The following EFCAB5 variants were observed in gnomAD, a reference collection of about 807,000 sequenced individuals.
EFCAB5 encodes EF-hand calcium-binding domain-containing protein 5.
Under a neutral mutation model 167.9 loss-of-function variants are expected in EFCAB5, and 131 were observed. The ratio of observed to expected loss-of-function variants is 0.78; its 90% confidence interval spans 0.68 to 0.90. The LOEUF (loss-of-function observed/expected upper bound fraction) is 0.90. Among genes scored for constraint, EFCAB5 ranks in the 40% least tolerant of loss-of-function variants. EFCAB5 has a pLI of 0.00. For missense variants in EFCAB5, 1,663 were observed against 1,745.2 expected, an observed-to-expected ratio of 0.95 and a Z score of 0.84; for synonymous variants, 574 against 602.8, an observed-to-expected ratio of 0.95 and a Z score of 0.70.
At chr17:29,958,976 C>G (rs983761034) in intron 3 of EFCAB5, among the ~76,000 whole-genome samples, 6 of 152,128 alleles carry the variant, frequency 3.9e-5, no homozygotes, top group African/African-American at 1.2e-4. Context: ...TCCCTTACAT[C>G]TCCCCAACCC....
At chr17:30,022,169 A>T (rs923046477) in intron 7 of EFCAB5, among the ~76,000 whole-genome samples, 1 of 152,152 alleles carries the variant, frequency 6.6e-6, no homozygotes, top group Non-Finnish European at 1.5e-5. Flanking sequence ...ATAGTAAATG[A>T]AGACCCAAAG....
At chr17:29,948,244 G>T (rs1038694093) in intron 3 of EFCAB5, among the ~76,000 whole-genome samples, 1 of 152,160 alleles carries the variant, frequency 6.6e-6, no homozygotes, top group African/African-American at 2.4e-5. Context: ...CTACAAAACT[G>T]TACATATGTA....
chr17:29,963,506 A>T (rs1421946506), intron 3 of EFCAB5, among the ~76,000 whole-genome samples: 2 of 152,172 alleles, frequency 1.3e-5, no homozygotes, highest in Non-Finnish European at 2.9e-5. Flanking sequence ...ATTGGCCTAT[A>T]ATTTTACTGT....
intron 11 of EFCAB5, 23 bp from the exon 12 acceptor site, chr17:30,056,041 T>C: frequency 6.2e-7 from 1 of 1,612,912 alleles, no homozygotes; most frequent in Non-Finnish European, 8.5e-7. Flanking sequence ...TGATTGGCTA[T>C]GTTATGGAAT....
chr17:29,954,634 G>A (rs767869897), intron 3 of EFCAB5, among the ~76,000 whole-genome samples: 10 of 152,232 alleles, frequency 6.6e-5, no homozygotes, highest in Non-Finnish European at 1.3e-4. Context: ...GGGCAGTGTG[G>A]CAGGGAAATG....
chr17:30,003,946 G>T (rs1411716816), intron 7 of EFCAB5, among the ~76,000 whole-genome samples: 1 of 152,188 alleles, frequency 6.6e-6, no homozygotes, highest in Non-Finnish European at 1.5e-5. Context: ...CCAAGTTCTT[G>T]TCTCACAACT....
In EFCAB5 at chr17:30,090,432, T is replaced by A. The variant is rs750335211; in HGVS notation, c.3695T>A (p.Phe1232Tyr). ...GGTTTTGATTTCAGAGATTTCCTCT[T>A]TAAATGTACTGACAGTTCAGAAGTT... Reference protein sequence around the residue: ...RKSCIFRDFLFKCTDSSEVVL... With the variant: ...RKSCIFRDFLYKCTDSSEVVL... Residue 1232 changes from phenylalanine (F) to tyrosine (Y), a missense_variant, in exon 20 of 23, where the codon TTT becomes TAT. Coordinates refer to ENST00000394835, the MANE Select transcript of EFCAB5 (RefSeq NM_198529.4). 25 of 1,612,188 alleles carry A rather than the reference T, an allele frequency of 1.6e-5. No homozygotes were observed. Among genetic ancestry groups the A allele is most frequent in the Non-Finnish European group, 2.1e-5 (25 of 1,179,324 alleles).
chr17:30,096,342 A>C (rs1173087762), intron 22 of EFCAB5, among the ~76,000 whole-genome samples: 1 of 152,168 alleles, frequency 6.6e-6, no homozygotes, highest in Non-Finnish European at 1.5e-5. Context: ...TATAGATAAC[A>C]TTACTGCTAC....
intron 9 of EFCAB5, 97 bp from the exon 10 acceptor site, chr17:30,053,157 AT>A: frequency 1.4e-6 from 2 of 1,391,504 alleles, no homozygotes; most frequent in Non-Finnish European, 1.9e-6. Flanking sequence ...CTATATTACA[AT>A]TTCTGTGCTC....
intron 7 of EFCAB5, among the ~76,000 whole-genome samples, chr17:30,014,537 C>A (rs1459801680): frequency 6.6e-6 from 1 of 152,084 alleles, no homozygotes; most frequent in African/African-American, 2.4e-5. Flanking sequence ...TTGAATTGAA[C>A]CCTTTACCAT....
intron 14 of EFCAB5, among the ~76,000 whole-genome samples, chr17:30,060,237 T>TAA (rs11376430): frequency 6.6e-6 from 1 of 151,602 alleles, no homozygotes; most frequent in Non-Finnish European, 1.5e-5. Flanking sequence ...AAAAAAAATT[T>TAA]AAAAAAAAGG....
chr17:30,038,978 A>ACCCAAACTCTCAGCAAT (rs1381047577), intron 8 of EFCAB5, among the ~76,000 whole-genome samples: 7 of 152,098 alleles, frequency 4.6e-5, no homozygotes, highest in African/African-American at 7.2e-5. Context: ...TGACGAATAA[A>ACCCAAACTCTCAGCAAT]CCCAAACTCT....
chr17:30,038,863 G>T (rs2069693271), intron 8 of EFCAB5, among the ~76,000 whole-genome samples: 1 of 152,072 alleles, frequency 6.6e-6, no homozygotes, highest in Non-Finnish European at 1.5e-5. Context: ...GCCCATATGG[G>T]GATACATTCT....
chr17:29,996,140 C>A (rs1418606299), intron 5 of EFCAB5, among the ~76,000 whole-genome samples, 172 bp from the exon 6 acceptor site: 1 of 151,964 alleles, frequency 6.6e-6, no homozygotes, highest in Non-Finnish European at 1.5e-5. Flanking sequence ...TTTTTGAAGA[C>A]CCCCTTGTAG....
chr17:30,051,204 A>T lies in EFCAB5; in HGVS notation c.1287A>T (p.Arg429=), dbSNP rs1206714653. ...CACAAATGCTTAGGAGTTTACTTCG[A>T]AACCCACGACAATGTAAGTGCCGCT... ...HSSQMLRSLL[R]NPRQWPFIEF... The change falls in exon 9 of 23, where the codon CGA becomes CGT. Residue 429 remains arginine, a synonymous_variant. Transcript: ENST00000394835. 6.2e-7 allele frequency: 1 copy of T among 1,614,022 alleles called. No homozygotes were observed. Among genetic ancestry groups the T allele is most frequent in the Non-Finnish European group, 8.5e-7 (1 of 1,179,886 alleles).
At chr17:30,047,695 T>A (rs1397797443) in intron 8 of EFCAB5, among the ~76,000 whole-genome samples, 9 of 152,192 alleles carry the variant, frequency 5.9e-5, no homozygotes, top group Admixed American at 5.9e-4. Context: ...GTTTTCTTGG[T>A]GATTACAGTT....
intron 14 of EFCAB5, chr17:30,069,300 A>C: frequency 6.7e-7 from 1 of 1,495,612 alleles, no homozygotes; most frequent in Non-Finnish European, 9.3e-7. Context: ...AAAGGTGAAG[A>C]TGAGTTATCC....
chr17:30,050,457 G>A (rs1394798752), intron 8 of EFCAB5, among the ~76,000 whole-genome samples: 1 of 151,968 alleles, frequency 6.6e-6, no homozygotes, highest in Non-Finnish European at 1.5e-5. Flanking sequence ...TTTTGTTTTT[G>A]TTTTTGAGAC....
Position 29,993,173 on chromosome 17 carries a change from A to C in EFCAB5, c.776A>C (p.Lys259Thr). The C allele has an allele frequency of 6.2e-7, 1 of 1,610,208 alleles. No homozygotes were observed. The highest frequency in any genetic ancestry group is 8.5e-7 in the Non-Finnish European group (1 of 1,178,016). Residue 259 changes from lysine to threonine, a missense_variant, in exon 5 of 23, where the codon AAG (lysine) becomes ACG (threonine). By Grantham distance (78) the Lys-to-Thr change is moderately conservative. Transcript: ENST00000394835. ...VPDTICNRVS[K>T]MKENVKQNRK... The stretch of plus-strand genomic sequence containing the variant: ...ATATCTACATCCTGCAGAGTATCCA[A>C]GATGAAGGAGAATGTTAAACAGAAT...
Sources: allele counts gnomAD v4.1 joint callset (sites outside exome capture counted in the v4.1 genomes callset), GRCh38; gene constraint gnomAD v4.1.1; transcripts MANE v1.5; gene names NCBI Gene and HGNC (gene_info 2026-07-23, HGNC 2026-07-21).